ADAMTSL1: variants seen among roughly 807,000 people sequenced by gnomAD.
ADAMTSL1 encodes ADAMTS like 1.
ADAMTSL1 carries 126 observed loss-of-function variants against 201.8 expected under a neutral mutation model. The ratio of observed to expected loss-of-function variants is 0.62; its 90% CI spans 0.54 to 0.72. The LOEUF (loss-of-function observed/expected upper bound fraction) is 0.72. Among genes scored for constraint, ADAMTSL1 ranks in the 30% least tolerant of loss-of-function variants. The probability of loss-of-function intolerance (pLI) is 0.00; values close to 1 mark genes in which losing one functional copy is unlikely to be tolerated. For synonymous variants in ADAMTSL1, 1,121 were observed against 903.4 expected (o/e 1.24, Z -4.32); for missense variants, 2,679 against 2,277.8 (o/e 1.18, Z -3.59).
At chr9:18,806,034 A>G (rs1823095239) in intron 20 of ADAMTSL1, among the ~76,000 whole-genome samples, 1 of 152,220 alleles carries the variant, frequency 6.6e-6, no homozygotes, top group Admixed American at 6.5e-5. Context: ...AGTACAACTC[A>G]TTTTTGATGG....
rs1019318709 is a variant in ADAMTSL1, at chr9:18,438,829, G to C, written c.208-66000G>C. On this transcript the variant is annotated intron_variant, in intron 2 of 29. Coordinates refer to the ADAMTSL1 transcript ENST00000680146. ...GCTCACCCTCACAATTCTGAAAATGGAGAGGCTCATTGCACCACGTGCATT... is the reference window on the plus strand; with the variant it reads ...GCTCACCCTCACAATTCTGAAAATGCAGAGGCTCATTGCACCACGTGCATT... Among the ~76,000 whole-genome samples the C allele has an allele frequency of 5.3e-5, 8 of 152,180 alleles. No individual in the cohort carries two copies. In the South Asian group the frequency reaches 1.7e-3, roughly 32 times the overall value.
intron 23 of ADAMTSL1, among the ~76,000 whole-genome samples, chr9:18,886,713 G>C (rs1828923554): frequency 6.6e-6 from 1 of 152,176 alleles, no homozygotes; most frequent in African/African-American, 2.4e-5. Context: ...TCTCATTCGT[G>C]AGGACAGAGC....
intron 2 of ADAMTSL1, among the ~76,000 whole-genome samples, chr9:18,385,449 A>T (rs998110983): frequency 1.3e-5 from 2 of 152,218 alleles, no homozygotes; most frequent in Non-Finnish European, 2.9e-5. Context: ...GATTTCTCTT[A>T]CTTTCACCTT....
chr9:18,532,833 A>G lies in ADAMTSL1; in HGVS notation c.192-414A>G, dbSNP rs573779972. Among the ~76,000 whole-genome samples the G allele has an allele frequency of 8.6e-5, 13 of 151,928 alleles. No homozygotes were observed. The South Asian group carries it at 2.5e-3, about 29-fold the overall frequency. ...ACATTCTTAGAATTATGATTTTAAG[A>G]CATGTTGAATATTAATTCCATTAAT... On this transcript the variant is annotated intron_variant, in intron 2 of 28. Coordinates refer to ENST00000380548, the MANE Select transcript of ADAMTSL1 (RefSeq NM_001040272.6).
intron 2 of ADAMTSL1, among the ~76,000 whole-genome samples, chr9:18,294,812 C>T (rs376036377): frequency 2.1e-4 from 32 of 152,186 alleles, no homozygotes; most frequent in African/African-American, 7.2e-4. Context: ...TTGGAGGAAA[C>T]TGACTGAACA....
intron 14 of ADAMTSL1, among the ~76,000 whole-genome samples, chr9:18,720,639 C>T (rs540613502): frequency 3.7e-4 from 57 of 152,178 alleles, no homozygotes; most frequent in South Asian, 4.1e-4. Flanking sequence ...AAAAATTAGC[C>T]GGCCATGGTG....
chr9:18,397,623 A>G (rs1817807807), intron 2 of ADAMTSL1, among the ~76,000 whole-genome samples: 1 of 152,184 alleles, frequency 6.6e-6, no homozygotes, highest in Non-Finnish European at 1.5e-5. Flanking sequence ...CAATACAAGT[A>G]CATGTTTTCA....
chr9:18,525,718 G>A (rs549919063), intron 2 of ADAMTSL1, among the ~76,000 whole-genome samples: 2 of 152,252 alleles, frequency 1.3e-5, no homozygotes, highest in South Asian at 4.1e-4. Context: ...AGTCATTCAG[G>A]AGCAGGTTGT....
At chr9:18,709,392 G>T (rs183551107) in intron 14 of ADAMTSL1, among the ~76,000 whole-genome samples, 8 of 152,250 alleles carry the variant, frequency 5.3e-5, no homozygotes, top group African/African-American at 1.9e-4. Flanking sequence ...AAATCTGCAG[G>T]ATTAACAAAT....
At chr9:17,939,640 A>G in intron 1 of ADAMTSL1, among the ~76,000 whole-genome samples, 1 of 151,942 alleles carries the variant, frequency 6.6e-6, no homozygotes, top group East Asian at 1.9e-4. Flanking sequence ...TGGGATTTTA[A>G]TTTTTTCAGC....
intron 1 of ADAMTSL1, among the ~76,000 whole-genome samples, chr9:17,923,954 C>A (rs201569497): frequency 0.21 from 26,868 of 127,306 alleles, 3,303 homozygotes; most frequent in African/African-American, 0.32. Context: ...TTGAACCAGC[C>A]TTGCATCCCA....
chr9:18,102,841 T>C (rs543900324), intron 1 of ADAMTSL1, among the ~76,000 whole-genome samples: 1 of 152,286 alleles, frequency 6.6e-6, no homozygotes, highest in African/African-American at 2.4e-5. Context: ...TTTTCAAAAG[T>C]TTCGAAATAA....
intron 2 of ADAMTSL1, among the ~76,000 whole-genome samples, chr9:18,512,455 T>G (rs73421035): frequency 0.04 from 6,041 of 152,230 alleles, 403 homozygotes; most frequent in African/African-American, 0.14. Context: ...AAAAAAATCC[T>G]TATGTGATTT....
At chr9:17,970,089 T>C (rs1818145748) in intron 1 of ADAMTSL1, among the ~76,000 whole-genome samples, 1 of 152,070 alleles carries the variant, frequency 6.6e-6, no homozygotes, top group South Asian at 2.1e-4. Context: ...ATGTTTCTAA[T>C]TGGGTATTAA....
intron 2 of ADAMTSL1, among the ~76,000 whole-genome samples, chr9:18,453,954 A>G (rs1022264131): frequency 2.6e-5 from 4 of 152,224 alleles, no homozygotes; most frequent in African/African-American, 9.6e-5. Flanking sequence ...CACTCGTAGT[A>G]CCAAAATCTG....
intron 2 of ADAMTSL1, among the ~76,000 whole-genome samples, chr9:18,198,215 A>G (rs1224694674): frequency 2.0e-5 from 3 of 151,682 alleles, no homozygotes; most frequent in Admixed American, 6.6e-5. Flanking sequence ...CTTCATGTCT[A>G]AAACACCAAA....
At chr9:18,362,961 C>T (rs965242132) in intron 2 of ADAMTSL1, among the ~76,000 whole-genome samples, 1 of 152,198 alleles carries the variant, frequency 6.6e-6, no homozygotes, top group Non-Finnish European at 1.5e-5. Flanking sequence ...GACATTTCAA[C>T]TCTTATTCCA....
chr9:18,267,762 T>TAAGA (rs1832178082), intron 2 of ADAMTSL1, among the ~76,000 whole-genome samples: 1 of 125,288 alleles, frequency 8.0e-6, no homozygotes, highest in Non-Finnish European at 1.6e-5. Flanking sequence ...CAAAGGCTAT[T>TAAGA]AAAAAAAAAA....
intron 1 of ADAMTSL1, among the ~76,000 whole-genome samples, chr9:18,001,494 G>A (rs1004068371): frequency 6.6e-6 from 1 of 152,014 alleles, no homozygotes; most frequent in Admixed American, 6.6e-5. Context: ...AATTGAAATA[G>A]AAAGCTACTG....
Sources: gnomAD v4.1 joint callset for allele counts (sites outside exome capture counted in the v4.1 genomes callset) on GRCh38, gnomAD v4.1.1 for gene constraint, MANE v1.5 for transcripts, NCBI Gene and HGNC (gene_info 2026-07-23, HGNC 2026-07-21) for gene names.